Variants in WIPF1 observed in about 807,000 individuals in gnomAD.
WIPF1 encodes WAS/WASL-interacting protein family member 1.
WIPF1 carries 13 observed loss-of-function variants against 35.4 expected under a neutral mutation model. The ratio of observed to expected loss-of-function variants is 0.37; its 90% CI spans 0.24 to 0.58. The LOEUF (loss-of-function observed/expected upper bound fraction) is 0.58, where lower values mean the gene tolerates loss of function less well. WIPF1 is among the 20% of genes least tolerant of loss of function. The probability of loss-of-function intolerance (pLI) is 0.74; values close to 1 mark genes in which losing one functional copy is unlikely to be tolerated. For synonymous variants in WIPF1, 267 were observed against 266.3 expected, an observed-to-expected ratio of 1.00 and a Z score of -0.02; for missense variants, 591 against 667.0, an observed-to-expected ratio of 0.89 and a Z score of 1.25.
intron 1 of WIPF1, among the ~76,000 whole-genome samples, chr2:174,605,235 C>A (rs1471855457): frequency 6.6e-6 from 1 of 152,076 alleles, no homozygotes; most frequent in Non-Finnish European, 1.5e-5. Flanking sequence ...GAGTTCGAGA[C>A]CAATCTGACC....
Position 174,573,728 on chromosome 2 carries a change from G to A in WIPF1, c.359-1282C>T, listed in dbSNP as rs115345278. 8.1e-3 allele frequency among the ~76,000 whole-genome samples: 1,239 copies of A among 152,270 alleles called. 18 individuals are homozygous for A. The highest frequency in any genetic ancestry group is 0.028 in the African/African-American group (1,166 of 41,560). ...CATGTGCCCGGGGCACAGTGAGAAT[G>A]GGAGAGATCCATGGGAAGTGGAGCC... is the stretch of plus-strand genomic sequence containing the variant. On this transcript the variant is annotated intron_variant, in intron 4 of 7. Coordinates refer to ENST00000679041, the MANE Select transcript of WIPF1 (RefSeq NM_001375834.1).
intron 1 of WIPF1, among the ~76,000 whole-genome samples, chr2:174,642,271 TTTTC>T (rs1017778515): frequency 2.0e-5 from 3 of 152,074 alleles, no homozygotes; most frequent in African/African-American, 7.2e-5. Context: ...TCAATTCTAA[TTTTC>T]TTTTATTTTT....
intron 5 of WIPF1, among the ~76,000 whole-genome samples, chr2:174,569,019 A>T (rs1684752212): frequency 1.3e-5 from 2 of 151,966 alleles, no homozygotes; most frequent in African/African-American, 4.8e-5. Context: ...TAAGTAAATT[A>T]AAAAAAACAA....
chr2:174,593,019 ATTTCT>A (rs1685672407), intron 1 of WIPF1, among the ~76,000 whole-genome samples: 1 of 151,790 alleles, frequency 6.6e-6, no homozygotes, highest in South Asian at 2.1e-4. Flanking sequence ...TTTCTTCAAG[ATTTCT>A]TTTTTTTCTT....
At chr2:174,667,357 G>A (rs1031449343) in intron 1 of WIPF1, among the ~76,000 whole-genome samples, 2 of 152,154 alleles carry the variant, frequency 1.3e-5, no homozygotes, top group African/African-American at 4.8e-5. Flanking sequence ...GATCATGCAA[G>A]ATCAGGGCTG....
At chr2:174,655,754 A>G (rs765617242) in intron 1 of WIPF1, 3 of 152,220 alleles carry the variant, frequency 2.0e-5, no homozygotes, top group Admixed American at 1.3e-4. Context: ...TCCAGCCCAG[A>G]CTCACCACAC....
At chr2:174,643,973 C>A (rs755226458) in intron 1 of WIPF1, among the ~76,000 whole-genome samples, 3 of 152,064 alleles carry the variant, frequency 2.0e-5, no homozygotes, top group Non-Finnish European at 4.4e-5. Flanking sequence ...TGGTATATAG[C>A]TAGATTATCT....
chr2:174,572,128 C>A lies in WIPF1; in HGVS notation c.677G>T (p.Arg226Leu), dbSNP rs770503150. The change falls in exon 5 of 8, where the codon CGC (arginine) becomes CTC (leucine). Residue 226 changes from arginine (R) to leucine (L), a missense_variant. Arg to Leu is a moderately radical substitution (Grantham distance 102, BLOSUM62 -2). Transcript: ENST00000679041. The stretch of plus-strand genomic sequence containing the variant: ...TGAGCCTCCTCCCAAAGCAGTGCCG[C>A]GGTTTCCAGGGAAAGGGGGAGGAGT... Reference protein sequence around the residue: ...GPTPPPFPGNRGTALGGGSIR... With the variant: ...GPTPPPFPGNLGTALGGGSIR... 1 of 1,610,090 alleles carries A rather than the reference C, an allele frequency of 6.2e-7. No individual in the cohort carries two copies. The highest frequency in any genetic ancestry group is 8.5e-7 in the Non-Finnish European group (1 of 1,178,106).
chr2:174,580,001 A>G (rs1685183927), intron 3 of WIPF1, among the ~76,000 whole-genome samples: 1 of 151,462 alleles, frequency 6.6e-6, no homozygotes, highest in African/African-American at 2.4e-5. Context: ...CCCAGGCTGG[A>G]GTGCAGTGGC....
intron 4 of WIPF1, 161 bp downstream of exon 4, chr2:174,575,043 T>C (rs1207666477): frequency 3.3e-6 from 3 of 902,538 alleles, no homozygotes; most frequent in Non-Finnish European, 5.4e-6. Context: ...TTAATAATAA[T>C]AATAAAGCCT....
chr2:174,654,581 C>A (rs1424521805), intron 1 of WIPF1, among the ~76,000 whole-genome samples: 1 of 151,980 alleles, frequency 6.6e-6, no homozygotes, highest in Non-Finnish European at 1.5e-5. Flanking sequence ...GGAACCAACC[C>A]CCTTTCTCTT....
At chr2:174,660,010 A>G (rs555596420) in intron 1 of WIPF1, among the ~76,000 whole-genome samples, 2 of 152,288 alleles carry the variant, frequency 1.3e-5, no homozygotes, top group South Asian at 4.1e-4. Flanking sequence ...GGTAATTTAT[A>G]CAGTACTCTT....
intron 1 of WIPF1, among the ~76,000 whole-genome samples, chr2:174,646,165 G>T (rs73973327): frequency 6.6e-6 from 1 of 152,304 alleles, no homozygotes; most frequent in African/African-American, 2.4e-5. Flanking sequence ...ATGGAGATTG[G>T]TGGCTTTGAT....
At chr2:174,661,100 G>A (rs1687749524) in intron 1 of WIPF1, among the ~76,000 whole-genome samples, 1 of 152,204 alleles carries the variant, frequency 6.6e-6, no homozygotes, top group Non-Finnish European at 1.5e-5. Context: ...CCAAGGCATA[G>A]CTGATCAGTT....
chr2:174,633,287 T>C (rs1687084145), intron 1 of WIPF1, among the ~76,000 whole-genome samples: 1 of 151,810 alleles, frequency 6.6e-6, no homozygotes, highest in African/African-American at 2.4e-5. Context: ...ATTACTAGGA[T>C]ATAAACAAGT....
At chr2:174,604,580 T>TG (rs1014590200) in intron 1 of WIPF1, among the ~76,000 whole-genome samples, 1 of 150,142 alleles carries the variant, frequency 6.7e-6, no homozygotes, top group African/African-American at 2.5e-5. Flanking sequence ...TTTAAAATAG[T>TG]GGAAAAAAAA....
chr2:174,564,123 T>C (rs1286636794), intron 7 of WIPF1, among the ~76,000 whole-genome samples: 1 of 152,178 alleles, frequency 6.6e-6, no homozygotes, highest in Non-Finnish European at 1.5e-5. Flanking sequence ...CTCAGGGCTG[T>C]CTGGGTGCGC....
At chr2:174,679,325 C>T (rs1688203450) in intron 1 of WIPF1, among the ~76,000 whole-genome samples, 1 of 151,954 alleles carries the variant, frequency 6.6e-6, no homozygotes. Context: ...AAAAATTAGC[C>T]GGGCGTGGTG....
At chr2:174,623,721 G>C (rs1016295710) in intron 1 of WIPF1, among the ~76,000 whole-genome samples, 1 of 152,204 alleles carries the variant, frequency 6.6e-6, no homozygotes, top group East Asian at 1.9e-4. Context: ...AGAGCTCATA[G>C]ATATTTTATT....
Sources: gnomAD v4.1 joint callset for allele counts (sites outside exome capture counted in the v4.1 genomes callset) on GRCh38, gnomAD v4.1.1 for gene constraint, MANE v1.5 for transcripts, NCBI Gene and HGNC (gene_info 2026-07-23, HGNC 2026-07-21) for gene names.